The following ZBTB7C variants were observed in gnomAD, a reference collection of about 807,000 sequenced individuals.
ZBTB7C encodes zinc finger and BTB domain containing 7C.
In ZBTB7C, 8 loss-of-function variants were observed where a neutral mutation model predicts 25.7. The ratio of observed to expected loss-of-function variants is 0.31; its 90% confidence interval spans 0.18 to 0.56. The LOEUF (loss-of-function observed/expected upper bound fraction) is 0.56. Among genes scored for constraint, ZBTB7C ranks in the 20% least tolerant of loss-of-function variants. ZBTB7C has a pLI of 0.91. For missense variants in ZBTB7C, 824 were observed against 855.2 expected (o/e 0.96, Z 0.46); for synonymous variants, 394 against 369.0 (o/e 1.07, Z -0.78).
intron 2 of ZBTB7C, among the ~76,000 whole-genome samples, chr18:48,269,012 G>A (rs990019121): frequency 7.4e-5 from 11 of 147,898 alleles, no homozygotes; most frequent in Admixed American, 5.5e-4. Context: ...CCAGGTTGGA[G>A]TTCAGTGGTA....
intron 2 of ZBTB7C, among the ~76,000 whole-genome samples, chr18:48,302,146 C>T (rs563550701): frequency 2.0e-5 from 3 of 152,336 alleles, no homozygotes; most frequent in Non-Finnish European, 4.4e-5. Context: ...TGGCTTTTAA[C>T]TCTGTCCTAT....
chr18:48,181,241 C>T (rs1180730234), intron 3 of ZBTB7C, among the ~76,000 whole-genome samples: 1 of 152,154 alleles, frequency 6.6e-6, no homozygotes, highest in Non-Finnish European at 1.5e-5. Flanking sequence ...TGAGCTAATG[C>T]TGTTCATATG....
At chr18:48,282,467 A>T (rs988599943) in intron 2 of ZBTB7C, among the ~76,000 whole-genome samples, 3 of 152,126 alleles carry the variant, frequency 2.0e-5, no homozygotes, top group Admixed American at 6.6e-5. Context: ...ATAATAATAA[A>T]AAAAAAATTT....
intron 3 of ZBTB7C, chr18:48,180,562 CA>C (rs1465375848): frequency 5.6e-6 from 2 of 354,496 alleles, no homozygotes; most frequent in Admixed American, 7.6e-5. Context: ...GCAGACAGCA[CA>C]GCCCCAAGGG....
chr18:48,213,689 T>C (rs988888125), intron 2 of ZBTB7C, among the ~76,000 whole-genome samples: 23 of 152,218 alleles, frequency 1.5e-4, no homozygotes, highest in Non-Finnish European at 3.1e-4. Context: ...TATCCAAATT[T>C]ATTACCTTCT....
intron 2 of ZBTB7C, among the ~76,000 whole-genome samples, chr18:48,304,837 A>G (rs2045631247): frequency 9.9e-6 from 1 of 100,994 alleles, no homozygotes; most frequent in Non-Finnish European, 1.9e-5. Flanking sequence ...GCCAGGCTCT[A>G]CCTCAAAAAA....
At chr18:48,101,582 C>T (rs2038832226) in intron 3 of ZBTB7C, among the ~76,000 whole-genome samples, 1 of 152,226 alleles carries the variant, frequency 6.6e-6, no homozygotes, top group Non-Finnish European at 1.5e-5. Flanking sequence ...AACACTCACA[C>T]TGTGCCAGGC....
intron 2 of ZBTB7C, among the ~76,000 whole-genome samples, chr18:48,261,997 G>T (rs1338972609): frequency 6.6e-6 from 1 of 152,184 alleles, no homozygotes; most frequent in African/African-American, 2.4e-5. Context: ...GGGGACAAAG[G>T]TCCTCTTCCC....
chr18:48,110,381 T>C (rs1316660996), intron 3 of ZBTB7C, among the ~76,000 whole-genome samples: 2 of 152,146 alleles, frequency 1.3e-5, no homozygotes, highest in East Asian at 3.9e-4. Context: ...CCTGGGCACC[T>C]CTTAGCCAGC....
At chr18:48,327,628 A>G (rs1286155024) in intron 2 of ZBTB7C, among the ~76,000 whole-genome samples, 1 of 152,140 alleles carries the variant, frequency 6.6e-6, no homozygotes, top group Non-Finnish European at 1.5e-5. Flanking sequence ...TGGCATTGCT[A>G]AGCCACAGTA....
chr18:48,210,401 C>G (rs1457764629), intron 2 of ZBTB7C, among the ~76,000 whole-genome samples: 1 of 152,136 alleles, frequency 6.6e-6, no homozygotes, highest in Non-Finnish European at 1.5e-5. Flanking sequence ...AAAGTGGAAA[C>G]AAATGTCCAT....
At chr18:48,297,229 T>C (rs193201745) in intron 2 of ZBTB7C, among the ~76,000 whole-genome samples, 43 of 152,348 alleles carry the variant, frequency 2.8e-4, no homozygotes, top group Non-Finnish European at 5.4e-4. Flanking sequence ...TTTTACATTG[T>C]TGTTTAATTA....
chr18:48,336,949 A>T (rs1333821378), intron 2 of ZBTB7C, among the ~76,000 whole-genome samples: 3 of 152,084 alleles, frequency 2.0e-5, no homozygotes, highest in African/African-American at 7.2e-5. Context: ...GTCCCTGACT[A>T]CCCCTTGCCA....
chr18:48,142,526 C>G (rs1280448244), intron 3 of ZBTB7C, among the ~76,000 whole-genome samples: 1 of 152,224 alleles, frequency 6.6e-6, no homozygotes, highest in African/African-American at 2.4e-5. Flanking sequence ...CCTCTGCTCA[C>G]AGCCTGAGGG....
intron 1 of ZBTB7C, among the ~76,000 whole-genome samples, chr18:48,353,649 G>T (rs2046912252): frequency 6.6e-6 from 1 of 152,186 alleles, no homozygotes. Flanking sequence ...TCCAGAAAAA[G>T]GTTCTCAGGG....
At chr18:48,312,932 G>T (rs1249097649) in intron 2 of ZBTB7C, among the ~76,000 whole-genome samples, 2 of 152,168 alleles carry the variant, frequency 1.3e-5, no homozygotes, top group Non-Finnish European at 2.9e-5. Flanking sequence ...GATTCCATGT[G>T]AACCTTCTTG....
Position 48,077,007 on chromosome 18 carries a change from C to T in ZBTB7C, c.-16-35884G>A. The T allele has an allele frequency of 3.1e-6, 3 of 983,200 alleles. No homozygotes were observed. In the South Asian group the frequency reaches 1.4e-4, roughly 46 times the overall value. 60.9% of individuals were successfully genotyped at this position (983,200 alleles called of 1,614,324 possible). ...GCCAAGACAGCACCTAAGTTCCCTTCCAGCAAAGGTCACAGGAAGAGAATA... is the reference window on the plus strand; with the variant it reads ...GCCAAGACAGCACCTAAGTTCCCTTTCAGCAAAGGTCACAGGAAGAGAATA... On this transcript the variant is annotated intron_variant, in intron 3 of 4. Transcript: ENST00000590800.
intron 2 of ZBTB7C, among the ~76,000 whole-genome samples, chr18:48,291,491 G>A (rs934784782): frequency 1.6e-4 from 25 of 152,172 alleles, no homozygotes; most frequent in African/African-American, 5.8e-4. Context: ...CAGCAAAGGA[G>A]AAACCTACCT....
At chr18:48,385,608 C>T (rs1206289145) in intron 1 of ZBTB7C, among the ~76,000 whole-genome samples, 1 of 152,208 alleles carries the variant, frequency 6.6e-6, no homozygotes, top group East Asian at 1.9e-4. Flanking sequence ...GCAGGCCCGC[C>T]CGGAACGCAT....
Sources: gnomAD v4.1 joint callset for allele counts (sites outside exome capture counted in the v4.1 genomes callset) on GRCh38, gnomAD v4.1.1 for gene constraint, MANE v1.5 for transcripts, NCBI Gene and HGNC (gene_info 2026-07-23, HGNC 2026-07-21) for gene names.